The following KCNIP1 variants were observed in gnomAD, a reference collection of about 807,000 sequenced individuals.
KCNIP1 encodes potassium voltage-gated channel interacting protein 1.
Under a neutral mutation model 33.0 loss-of-function variants are expected in KCNIP1, and 18 were observed. The observed-to-expected ratio is 0.55, with a 90% CI of 0.38 to 0.81. KCNIP1 has a LOEUF of 0.81. KCNIP1 is among the 30% of genes least tolerant of loss of function. KCNIP1 has a pLI of 0.00. For synonymous variants in KCNIP1, 93 were observed against 98.3 expected (o/e 0.95, Z 0.32); for missense variants, 238 against 271.6 (o/e 0.88, Z 0.87).
intron 1 of KCNIP1, among the ~76,000 whole-genome samples, chr5:170,626,492 A>G (rs1347951940): frequency 1.3e-5 from 2 of 152,190 alleles, no homozygotes; most frequent in East Asian, 3.9e-4. Context: ...ACTAGGAAGG[A>G]GTATGTGCTA....
intron 1 of KCNIP1, among the ~76,000 whole-genome samples, chr5:170,641,612 G>T (rs950598954): frequency 3.3e-5 from 5 of 152,248 alleles, no homozygotes; most frequent in African/African-American, 9.6e-5. Flanking sequence ...TCCCCAAAGA[G>T]GCTTCTCTGG....
At chr5:170,354,839 G>A (rs981581649) in intron 1 of KCNIP1, among the ~76,000 whole-genome samples, 1 of 152,226 alleles carries the variant, frequency 6.6e-6, no homozygotes, top group African/African-American at 2.4e-5. Flanking sequence ...GCAGCATGAT[G>A]TGGTTCCACT....
At chr5:170,536,869 A>C (rs1019514362) in intron 1 of KCNIP1, among the ~76,000 whole-genome samples, 1 of 152,190 alleles carries the variant, frequency 6.6e-6, no homozygotes, top group African/African-American at 2.4e-5. Context: ...GAAAGGAGGG[A>C]GGCAGGATGG....
At chr5:170,426,031 TG>T (rs1169817658) in intron 1 of KCNIP1, among the ~76,000 whole-genome samples, 2 of 152,192 alleles carry the variant, frequency 1.3e-5, no homozygotes, top group Non-Finnish European at 2.9e-5. Context: ...GGCAGTGTGC[TG>T]GGGATTATTC....
chr5:170,568,648 TAAA>T lies in KCNIP1; in HGVS notation c.61+64038_61+64040del, dbSNP rs33992187. 2.7e-3 allele frequency among the ~76,000 whole-genome samples: 117 copies of T among 43,724 alleles called. 1 individual carries two copies. The highest frequency in any genetic ancestry group is 5.8e-3 in the African/African-American group (92 of 15,734). The allele number at this position is 43,724 out of a possible 152,430, so 28.7% of individuals were successfully genotyped here. On this transcript the variant is annotated intron_variant, in intron 1 of 7. Coordinates refer to ENST00000328939, the MANE Select transcript of KCNIP1 (RefSeq NM_014592.4). ...CGAACATGGTGAAACCCGTTTCTAC[TAAA>T]AAAAAAAAAAAAAAAAAAAAAATTA...
intron 1 of KCNIP1, among the ~76,000 whole-genome samples, chr5:170,487,778 A>G (rs1757129500): frequency 6.6e-6 from 1 of 152,102 alleles, no homozygotes; most frequent in African/African-American, 2.4e-5. Flanking sequence ...CTGGCCTCCC[A>G]AAGTGCTGGG....
At chr5:170,643,236 A>G (rs1486467439) in intron 1 of KCNIP1, among the ~76,000 whole-genome samples, 1 of 152,258 alleles carries the variant, frequency 6.6e-6, no homozygotes, top group Admixed American at 6.5e-5. Context: ...AGGCCAGGAA[A>G]TGGGTTTTCT....
At chr5:170,412,976 T>C (rs1191040218) in intron 1 of KCNIP1, among the ~76,000 whole-genome samples, 1 of 152,164 alleles carries the variant, frequency 6.6e-6, no homozygotes. Context: ...CCTGTCCCTC[T>C]GGAATGGAAA....
chr5:170,591,584 G>A (rs1442766065), intron 1 of KCNIP1, among the ~76,000 whole-genome samples: 2 of 152,052 alleles, frequency 1.3e-5, no homozygotes, highest in East Asian at 3.9e-4. Flanking sequence ...CCAAAACTCT[G>A]TACCCATTAA....
At chr5:170,731,430 T>C (rs1764189039) in intron 5 of KCNIP1, among the ~76,000 whole-genome samples, 1 of 152,056 alleles carries the variant, frequency 6.6e-6, no homozygotes, top group South Asian at 2.1e-4. Flanking sequence ...AGGCTGGGCA[T>C]GGTGGCTCAT....
intron 1 of KCNIP1, among the ~76,000 whole-genome samples, chr5:170,622,630 A>G (rs1759648129): frequency 6.6e-6 from 1 of 151,686 alleles, no homozygotes. Context: ...CTCAAAAAAA[A>G]AAAAAAAAAG....
chr5:170,417,642 T>C (rs1251917375), intron 1 of KCNIP1, among the ~76,000 whole-genome samples: 8 of 152,202 alleles, frequency 5.3e-5, no homozygotes, highest in Admixed American at 2.6e-4. Context: ...CCTGTTTTTT[T>C]TGTGGGTATA....
intron 1 of KCNIP1, among the ~76,000 whole-genome samples, chr5:170,636,998 C>A (rs906958699): frequency 6.6e-6 from 1 of 152,138 alleles, no homozygotes; most frequent in South Asian, 2.1e-4. Flanking sequence ...TTGGCCCCAC[C>A]CCCAACCCAT....
intron 1 of KCNIP1, among the ~76,000 whole-genome samples, chr5:170,450,477 C>T (rs1756222720): frequency 6.6e-6 from 1 of 152,252 alleles, no homozygotes; most frequent in East Asian, 1.9e-4. Flanking sequence ...GTAAATCAGA[C>T]CACAGCATTC....
chr5:170,626,738 T>C (rs1581415133), intron 1 of KCNIP1, among the ~76,000 whole-genome samples: 1 of 152,330 alleles, frequency 6.6e-6, no homozygotes, highest in East Asian at 1.9e-4. Flanking sequence ...GGGTGAATGC[T>C]GCAGTGAGGC....
intron 1 of KCNIP1, among the ~76,000 whole-genome samples, chr5:170,704,930 T>C (rs780104325): frequency 2.6e-5 from 4 of 152,214 alleles, no homozygotes; most frequent in Admixed American, 6.5e-5. Context: ...CCTCTTTTTA[T>C]GATGGTTTCA....
intron 1 of KCNIP1, among the ~76,000 whole-genome samples, chr5:170,599,857 GAAA>G (rs1758624364): frequency 2.0e-5 from 3 of 152,214 alleles, no homozygotes; most frequent in Admixed American, 6.5e-5. Flanking sequence ...CTTATTGAAA[GAAA>G]ATATATTCTA....
Position 170,505,458 on chromosome 5 carries a change from C to T in KCNIP1, c.61+825C>T, listed in dbSNP as rs115418290. Among the ~76,000 whole-genome samples, 744 of 152,238 alleles carry T rather than the reference C, an allele frequency of 4.9e-3. 6 individuals carry two copies. The highest frequency in any genetic ancestry group is 0.015 in the African/African-American group (618 of 41,528). Reference sequence around the variant, plus strand: ...AAAGAGACTGGAAGCAGTTAGGAAACGGGAAATGATGGGTTTTGTTTTGTT... The same window carrying T: ...AAAGAGACTGGAAGCAGTTAGGAAATGGGAAATGATGGGTTTTGTTTTGTT... On this transcript the variant is annotated intron_variant, in intron 1 of 7. Transcript: ENST00000328939.
upstream of KCNIP1, chr5:170,503,983 C>T: frequency 1.1e-6 from 1 of 935,132 alleles, no homozygotes; most frequent in African/African-American, 1.8e-5. Flanking sequence ...CGTAGTTGCC[C>T]GCCCGCCGCC....
Sources: gnomAD v4.1 joint callset for allele counts (sites outside exome capture counted in the v4.1 genomes callset) on GRCh38, gnomAD v4.1.1 for gene constraint, MANE v1.5 for transcripts, NCBI Gene and HGNC (gene_info 2026-07-23, HGNC 2026-07-21) for gene names.